Variants in AKAP19 observed in about 807,000 individuals in gnomAD.
AKAP19 encodes A-kinase anchoring protein 19.
the AKAP19 span, among the ~76,000 whole-genome samples, chr2:190,125,116 T>G: frequency 6.6e-6 from 1 of 152,072 alleles, no homozygotes; most frequent in African/African-American, 2.4e-5. Context: ...GTCTTTTTTT[T>G]GGAAGTATAA....
chr2:190,199,670 AAAAT>A, the AKAP19 span: 1 of 1,393,162 alleles, frequency 7.2e-7, no homozygotes, highest in Non-Finnish European at 9.3e-7. Context: ...CTGTAACTTC[AAAAT>A]GAAACCTACC....
chr2:190,044,195 G>C, the AKAP19 span, among the ~76,000 whole-genome samples: 2 of 152,174 alleles, frequency 1.3e-5, no homozygotes, highest in African/African-American at 4.8e-5. Context: ...GGTGATCTCA[G>C]TGTTTATGTT....
At chr2:189,989,655 T>C in the AKAP19 span, among the ~76,000 whole-genome samples, 5 of 152,076 alleles carry the variant, frequency 3.3e-5, no homozygotes, top group African/African-American at 1.2e-4. Flanking sequence ...CTCCTAATAA[T>C]ACAACTATGA....
chr2:190,027,773 T>A, the AKAP19 span, among the ~76,000 whole-genome samples: 1 of 152,184 alleles, frequency 6.6e-6, no homozygotes, highest in Non-Finnish European at 1.5e-5. Context: ...CCTTGTGCAT[T>A]TTACAAGGAC....
At chr2:189,921,937 A>C in the AKAP19 span, among the ~76,000 whole-genome samples, 1 of 152,224 alleles carries the variant, frequency 6.6e-6, no homozygotes, top group East Asian at 1.9e-4. Context: ...TCCTCATGGA[A>C]CTAGCAATTC....
the AKAP19 span, among the ~76,000 whole-genome samples, chr2:189,983,200 C>T: frequency 2.6e-5 from 4 of 152,150 alleles, no homozygotes; most frequent in Admixed American, 6.5e-5. Context: ...TCACAACCTT[C>T]GGTACATAAA....
the AKAP19 span, among the ~76,000 whole-genome samples, chr2:190,039,468 A>T: frequency 6.6e-6 from 1 of 152,202 alleles, no homozygotes; most frequent in Non-Finnish European, 1.5e-5. Context: ...CTGAAGTCAA[A>T]CTACTTACAT....
the AKAP19 span, among the ~76,000 whole-genome samples, chr2:190,014,982 G>C: frequency 1.3e-5 from 2 of 152,164 alleles, no homozygotes; most frequent in African/African-American, 4.8e-5. Context: ...CCATTCTTGT[G>C]GCTTTGCAGG....
the AKAP19 span, among the ~76,000 whole-genome samples, chr2:189,957,984 G>A: frequency 6.6e-6 from 1 of 152,056 alleles, no homozygotes; most frequent in Non-Finnish European, 1.5e-5. Context: ...AGTAGAGACG[G>A]GGTTTCACCA....
At chr2:189,996,778 C>A in the AKAP19 span, among the ~76,000 whole-genome samples, 2 of 152,220 alleles carry the variant, frequency 1.3e-5, no homozygotes, top group Non-Finnish European at 2.9e-5. Flanking sequence ...TTTTGTCCCA[C>A]AGGGTGATCC....
At chr2:190,083,126 C>A in the AKAP19 span, among the ~76,000 whole-genome samples, 3 of 152,152 alleles carry the variant, frequency 2.0e-5, no homozygotes, top group Non-Finnish European at 4.4e-5. Flanking sequence ...CCCCTGTAAT[C>A]CCAGCACTTT....
the AKAP19 span, among the ~76,000 whole-genome samples, chr2:190,199,241 T>C: frequency 1.2e-4 from 19 of 152,208 alleles, no homozygotes; most frequent in Admixed American, 8.5e-4. Context: ...AGATAGTACA[T>C]ATTTTAAGCT....
At chr2:190,083,275 A>T in the AKAP19 span, among the ~76,000 whole-genome samples, 3 of 152,016 alleles carry the variant, frequency 2.0e-5, no homozygotes, top group African/African-American at 7.2e-5. Flanking sequence ...ACTATTTGGG[A>T]GGCTGAAGTG....
chr2:190,100,305 T>C, the AKAP19 span, among the ~76,000 whole-genome samples: 1 of 152,158 alleles, frequency 6.6e-6, no homozygotes, highest in Non-Finnish European at 1.5e-5. Flanking sequence ...TCATGCTGAC[T>C]ATGTGGAAGG....
chr2:189,922,018 G>A, the AKAP19 span, among the ~76,000 whole-genome samples: 1 of 152,200 alleles, frequency 6.6e-6, no homozygotes, highest in Non-Finnish European at 1.5e-5. Context: ...TGCTGGATGA[G>A]CACATAGCAG....
At chr2:189,905,343 T>C in the AKAP19 span, among the ~76,000 whole-genome samples, 236 of 152,102 alleles carry the variant, frequency 1.6e-3, no homozygotes, top group African/African-American at 5.4e-3. Context: ...GATATGAAAA[T>C]GAGGAAGTTT....
At chr2:190,112,303 G>A in the AKAP19 span, among the ~76,000 whole-genome samples, 1 of 152,102 alleles carries the variant, frequency 6.6e-6, no homozygotes, top group Non-Finnish European at 1.5e-5. Context: ...ACAGTTGTAA[G>A]TGATATCTTA....
the AKAP19 span, among the ~76,000 whole-genome samples, chr2:189,925,154 T>A: frequency 6.6e-6 from 1 of 152,190 alleles, no homozygotes; most frequent in African/African-American, 2.4e-5. Context: ...GATTCATTCA[T>A]ACCCACAAAC....
chr2:189,927,788 G>T, the AKAP19 span, among the ~76,000 whole-genome samples: 1 of 152,160 alleles, frequency 6.6e-6, no homozygotes, highest in Non-Finnish European at 1.5e-5. Context: ...CAGTCTGGTG[G>T]CCACTAGCCA....
Sources: gnomAD v4.1 joint callset for allele counts (sites outside exome capture counted in the v4.1 genomes callset) on GRCh38, gnomAD v4.1.1 for gene constraint, MANE v1.5 for transcripts, NCBI Gene and HGNC (gene_info 2026-07-23, HGNC 2026-07-21) for gene names.